The following SLC25A21 variants were observed in gnomAD, a reference collection of about 807,000 sequenced individuals.
SLC25A21 encodes mitochondrial 2-oxodicarboxylate carrier.
Under a neutral mutation model 43.8 loss-of-function variants are expected in SLC25A21, and 47 were observed. That is an observed-to-expected ratio of 1.07 (90% CI 0.85 to 1.37). SLC25A21 has a LOEUF of 1.37. Ranked by LOEUF, SLC25A21 falls within the 40% of genes most tolerant of loss-of-function variation. SLC25A21 has a pLI of 0.00. For missense variants in SLC25A21, 352 were observed against 350.2 expected (o/e 1.00, Z -0.04); for synonymous variants, 131 against 121.3 (o/e 1.08, Z -0.52).
At chr14:37,165,115 G>A (rs907808778) in intron 1 of SLC25A21, among the ~76,000 whole-genome samples, 2 of 152,182 alleles carry the variant, frequency 1.3e-5, no homozygotes, top group African/African-American at 2.4e-5. Flanking sequence ...AGTGGCTCAC[G>A]CCTGTAATCC....
rs750777516 is a variant in SLC25A21 at position 37,172,339 on chromosome 14, C to A, written c.12G>T (p.Lys4Asn). The A allele has an allele frequency of 1.0e-5, 16 of 1,600,496 alleles. No homozygotes were observed. The highest frequency in any genetic ancestry group is 4.5e-5 in the East Asian group (2 of 44,256). MSA[K>N]PEVSLVREAS... is the part of the protein sequence containing the mutation. Reference sequence around the variant, plus strand: ...CCTCGCGCACTAAGCTGACTTCAGGCTTGGCGGACATCTTCGCCAGGCGGG... The same window carrying A: ...CCTCGCGCACTAAGCTGACTTCAGGATTGGCGGACATCTTCGCCAGGCGGG... The change falls in exon 1 of 10, where the codon AAG becomes AAT. Residue 4 changes from lysine (K) to asparagine (N), a missense_variant. Transcript: ENST00000331299.
intron 6 of SLC25A21, among the ~76,000 whole-genome samples, chr14:36,721,868 T>C (rs1378191815): frequency 6.6e-6 from 1 of 152,244 alleles, no homozygotes. Context: ...CTAAATTTTC[T>C]ACGATGAGCA....
At chr14:37,018,445 T>C (rs1428314422) in intron 1 of SLC25A21, among the ~76,000 whole-genome samples, 5 of 152,052 alleles carry the variant, frequency 3.3e-5, no homozygotes, top group Non-Finnish European at 5.9e-5. Context: ...CTACATTGTA[T>C]TCCATATACA....
At chr14:37,034,432 C>A (rs1414178619) in intron 1 of SLC25A21, among the ~76,000 whole-genome samples, 1 of 152,214 alleles carries the variant, frequency 6.6e-6, no homozygotes, top group East Asian at 1.9e-4. Context: ...CACTTGGGCA[C>A]TGAGAAACCT....
At chr14:37,118,819 T>A (rs1013204532) in intron 1 of SLC25A21, among the ~76,000 whole-genome samples, 4 of 152,094 alleles carry the variant, frequency 2.6e-5, no homozygotes, top group Non-Finnish European at 4.4e-5. Flanking sequence ...TAAAGGTTTT[T>A]TCAGAGGCAT....
At chr14:36,731,725 G>A (rs1010893370) in intron 4 of SLC25A21, among the ~76,000 whole-genome samples, 1 of 152,118 alleles carries the variant, frequency 6.6e-6, no homozygotes, top group African/African-American at 2.4e-5. Flanking sequence ...TAGTTTCCTT[G>A]CAGGCGTGCA....
chr14:36,776,750 A>AT (rs1886849772), intron 3 of SLC25A21, among the ~76,000 whole-genome samples: 1 of 152,124 alleles, frequency 6.6e-6, no homozygotes, highest in African/African-American at 2.4e-5. Flanking sequence ...TACTCTCAGC[A>AT]TATAATATTG....
intron 1 of SLC25A21, among the ~76,000 whole-genome samples, chr14:37,140,673 GTATT>G (rs1207195317): frequency 6.6e-6 from 1 of 152,168 alleles, no homozygotes; most frequent in Non-Finnish European, 1.5e-5. Context: ...GTTATATGAA[GTATT>G]TATTTATAAA....
Position 36,762,005 on chromosome 14 carries a change from C to A in SLC25A21, c.204-27432G>T, listed in dbSNP as rs550549496. On this transcript the variant is annotated intron_variant, in intron 3 of 9. Coordinates refer to ENST00000331299, the MANE Select transcript of SLC25A21 (RefSeq NM_030631.4). ...CTCAAATCTATTCATTTTATCTTGT[C>A]AAAATCTTTCAAAACAACGGATTAT... 2.6e-5 allele frequency among the ~76,000 whole-genome samples: 4 copies of A among 152,214 alleles called. No homozygotes were observed. The South Asian group carries it at 6.2e-4, about 24-fold the overall frequency.
chr14:36,678,081 C>A lies in SLC25A21; in HGVS notation c.*2577G>T, dbSNP rs1278348406. The A allele has an allele frequency of 2.9e-5, 5 of 175,344 alleles. No homozygotes were observed. Among genetic ancestry groups the A allele is most frequent in the Admixed American group, 1.2e-4 (2 of 16,482 alleles). 10.9% of individuals were successfully genotyped at this position (175,344 alleles called of 1,614,324 possible). ...ATTCTGTGCAATAACTAAAAGAGCA[C>A]CTCACTGGATATGGATGTTGAAGAT... On this transcript the variant is annotated 3_prime_UTR_variant, in exon 10 of 10. Transcript: ENST00000331299.
chr14:36,818,786 A>G (rs888306004), intron 2 of SLC25A21, among the ~76,000 whole-genome samples: 1 of 152,284 alleles, frequency 6.6e-6, no homozygotes, highest in East Asian at 1.9e-4. Context: ...TCTGCTCTAC[A>G]TTTCAGCAAC....
intron 1 of SLC25A21, among the ~76,000 whole-genome samples, chr14:37,102,928 T>C (rs112774733): frequency 9.1e-4 from 138 of 151,538 alleles, no homozygotes; most frequent in South Asian, 3.5e-3. Context: ...GAGGTTGCAG[T>C]GACCCGAGAT....
rs537113153 is a variant in SLC25A21 at position 37,106,913 on chromosome 14, G to A, written c.70+65368C>T. Among the ~76,000 whole-genome samples, 113 of 152,252 alleles carry A rather than the reference G, an allele frequency of 7.4e-4. 1 individual carries two copies. Among genetic ancestry groups the A allele is most frequent in the African/African-American group, 2.6e-3 (109 of 41,562 alleles). On this transcript the variant is annotated intron_variant, in intron 1 of 9. Transcript: ENST00000331299. ...CTTATGGAAAATAGAAAGAACCTAC[G>A]TTGAAATATTGGGGGCGGGTTCCCC...
In SLC25A21 at chr14:37,011,649, CATT is replaced by C. The variant is rs543850363; in HGVS notation, c.71-136648_71-136646del. Among the ~76,000 whole-genome samples the C allele has an allele frequency of 7.9e-5, 12 of 152,272 alleles. No individual in the cohort carries two copies. In the East Asian group the frequency reaches 2.3e-3, roughly 29 times the overall value. ...TCATCATCACCATCACTACCACCAT[CATT>C]ATCTCAGCTAATACGTTTATAGAGT... is the stretch of plus-strand genomic sequence containing the variant. On this transcript the variant is annotated intron_variant, in intron 1 of 9. Coordinates refer to ENST00000331299, the MANE Select transcript of SLC25A21 (RefSeq NM_030631.4).
chr14:36,765,079 T>C (rs1886364017), intron 3 of SLC25A21, among the ~76,000 whole-genome samples: 2 of 152,238 alleles, frequency 1.3e-5, no homozygotes, highest in Admixed American at 1.3e-4. Context: ...GAAGTGATGC[T>C]GGGCCAGTCA....
chr14:36,807,550 G>A (rs1344302699), intron 3 of SLC25A21, among the ~76,000 whole-genome samples: 6 of 152,088 alleles, frequency 3.9e-5, no homozygotes, highest in African/African-American at 7.2e-5. Flanking sequence ...GGTGAGGGAC[G>A]GTTTCCAGAG....
intron 1 of SLC25A21, among the ~76,000 whole-genome samples, chr14:37,093,723 T>C (rs1340999642): frequency 1.3e-5 from 2 of 152,126 alleles, no homozygotes; most frequent in African/African-American, 4.8e-5. Flanking sequence ...GGGGGGAGGA[T>C]GAAGGAATAA....
At chr14:36,710,415 G>A (rs10147762) in intron 7 of SLC25A21, among the ~76,000 whole-genome samples, 15,201 of 150,726 alleles carry the variant, frequency 0.1, 1,252 homozygotes, top group East Asian at 0.48. Context: ...AGGAAACGGG[G>A]AAAAAAAAGA....
chr14:36,725,317 T>C (rs182499356), intron 6 of SLC25A21: 130 of 162,778 alleles, frequency 8.0e-4, no homozygotes, highest in Non-Finnish European at 1.4e-3. Context: ...CTACAAAAAA[T>C]ATACAAAATT....
Sources: gnomAD v4.1 joint callset for allele counts (sites outside exome capture counted in the v4.1 genomes callset) on GRCh38, gnomAD v4.1.1 for gene constraint, MANE v1.5 for transcripts, NCBI Gene and HGNC (gene_info 2026-07-23, HGNC 2026-07-21) for gene names.